Variants in STK32B observed in about 807,000 individuals in gnomAD.
STK32B encodes serine/threonine kinase 32B.
In STK32B, 43 loss-of-function variants were observed where a neutral mutation model predicts 52.6. That is an observed-to-expected ratio of 0.82 (90% confidence interval 0.64 to 1.05). The LOEUF (loss-of-function observed/expected upper bound fraction) is 1.05, where lower values mean the gene tolerates loss of function less well. Among genes scored for constraint, STK32B ranks in the 50% least tolerant of loss-of-function variants. The pLI is 0.00. For missense variants in STK32B, 621 were observed against 534.6 expected (o/e 1.16, Z -1.59); for synonymous variants, 238 against 204.3 (o/e 1.17, Z -1.41).
chr4:5,249,493 T>TCCTTCCTCCCTC (rs1725754500), intron 3 of STK32B, among the ~76,000 whole-genome samples: 2 of 121,930 alleles, frequency 1.6e-5, no homozygotes, highest in Admixed American at 8.1e-5. Context: ...CTTCCTTCCT[T>TCCTTCCTCCCTC]CCTTCCTTCC....
At chr4:5,221,270 T>G (rs957753745) in intron 3 of STK32B, among the ~76,000 whole-genome samples, 2 of 152,192 alleles carry the variant, frequency 1.3e-5, no homozygotes, top group African/African-American at 4.8e-5. Flanking sequence ...TGAACTATAT[T>G]CTTCACACCA....
chr4:5,050,645 G>A (rs1395845082), upstream of STK32B, among the ~76,000 whole-genome samples: 1 of 152,188 alleles, frequency 6.6e-6, no homozygotes, highest in African/African-American at 2.4e-5. Flanking sequence ...AAGATTCCCT[G>A]CAGTCCCGGA....
Position 5,499,067 on chromosome 4 carries a change from G to T in STK32B, c.1229G>T (p.Arg410Leu). 6.2e-7 allele frequency: 1 copy of T among 1,611,146 alleles called. No individual in the cohort carries two copies. The highest frequency in any genetic ancestry group is 8.5e-7 in the Non-Finnish European group (1 of 1,178,418). The stretch of plus-strand genomic sequence containing the variant: ...AACCTCCTCACCCACACCTGCACCC[G>T]TGGCTGCAGCAGCTGAGCCCACACT... ...NNNLLTHTCT[R>L]GCSS The change falls in exon 12 of 12, where the codon CGT (arginine) becomes CTT (leucine). Residue 410 changes from arginine (R) to leucine (L), a missense_variant. Coordinates refer to ENST00000282908, the MANE Select transcript of STK32B (RefSeq NM_018401.3).
chr4:5,193,095 G>T (rs1377695871), intron 3 of STK32B, among the ~76,000 whole-genome samples: 1 of 152,166 alleles, frequency 6.6e-6, no homozygotes, highest in Non-Finnish European at 1.5e-5. Flanking sequence ...AGGCCTGGCT[G>T]CCCATGCCTG....
chr4:5,051,908 T>G lies in STK32B; in HGVS notation c.45T>G (p.Asn15Lys). 6.3e-7 allele frequency: 1 copy of G among 1,597,532 alleles called. No individual in the cohort carries two copies. The highest frequency in any genetic ancestry group is 8.5e-7 in the Non-Finnish European group (1 of 1,172,404). Residue 15 changes from asparagine (N) to lysine (K), a missense_variant, in exon 1 of 12, where the codon AAT (asparagine) becomes AAG (lysine). Coordinates refer to ENST00000282908, the MANE Select transcript of STK32B (RefSeq NM_018401.3). Reference protein sequence around the residue: ...HSHKPPVFDENEEVNFDHFQI... With the variant: ...HSHKPPVFDEKEEVNFDHFQI... ...ACAAGCCCCCCGTGTTTGACGAGAA[T>G]GAGGAAGGTAAGAGAGCGAGAGGTG...
intron 6 of STK32B, among the ~76,000 whole-genome samples, chr4:5,431,519 T>TA (rs1713580095): frequency 6.6e-6 from 1 of 151,870 alleles, no homozygotes; most frequent in Non-Finnish European, 1.5e-5. Flanking sequence ...CCTTTTTTTT[T>TA]TTATTTACTA....
intron 1 of STK32B, among the ~76,000 whole-genome samples, chr4:5,095,417 C>G (rs1255556950): frequency 3.3e-5 from 5 of 152,188 alleles, no homozygotes; most frequent in Admixed American, 6.5e-5. Flanking sequence ...GAGTTCAAGA[C>G]CAGTCTGGCC....
At chr4:5,433,555 G>C (rs760585160) in intron 6 of STK32B, among the ~76,000 whole-genome samples, 3 of 152,080 alleles carry the variant, frequency 2.0e-5, no homozygotes, top group African/African-American at 4.8e-5. Context: ...TCCTCCATTC[G>C]GACTTGGCTT....
rs1277028634 is a variant in STK32B at position 5,395,593 on chromosome 4, G to A, written c.435-2614G>A. 2.6e-5 allele frequency among the ~76,000 whole-genome samples: 4 copies of A among 152,138 alleles called. No homozygotes were observed. The highest frequency in any genetic ancestry group is 9.7e-5 in the African/African-American group (4 of 41,416). On this transcript the variant is annotated intron_variant, in intron 4 of 11. Coordinates refer to ENST00000282908, the MANE Select transcript of STK32B (RefSeq NM_018401.3). This position sits in a 1 kb window ranked among gnomAD's most constrained non-coding sequence, Gnocchi z 4.4. ...GCCTTCTGGTGTGCCTCTCTTCCTAGAATGCAAGCTCCATTCAGTTGGGTC... is the reference window on the plus strand; with the variant it reads ...GCCTTCTGGTGTGCCTCTCTTCCTAAAATGCAAGCTCCATTCAGTTGGGTC...
intron 1 of STK32B, among the ~76,000 whole-genome samples, chr4:5,132,424 G>A (rs1014128908): frequency 6.6e-6 from 1 of 152,134 alleles, no homozygotes; most frequent in Admixed American, 6.5e-5. Context: ...ATACACCAAT[G>A]CCCTGTGACA....
intron 11 of STK32B, among the ~76,000 whole-genome samples, chr4:5,478,008 A>G (rs539735022): frequency 6.6e-6 from 1 of 152,212 alleles, no homozygotes; most frequent in Admixed American, 6.5e-5. Context: ...CTAGGGAGAA[A>G]TCAACTGGTA....
At chr4:5,496,880 A>G (rs973825864) in intron 11 of STK32B, among the ~76,000 whole-genome samples, 3 of 152,218 alleles carry the variant, frequency 2.0e-5, no homozygotes, top group African/African-American at 7.2e-5. Flanking sequence ...TTCTTCATAG[A>G]TATTATGTCA....
intron 3 of STK32B, among the ~76,000 whole-genome samples, chr4:5,207,726 G>A (rs1395776789): frequency 6.6e-6 from 1 of 151,526 alleles, no homozygotes; most frequent in East Asian, 2.0e-4. Context: ...TTAAGAAAGT[G>A]TCTGAGACTG....
intron 3 of STK32B, among the ~76,000 whole-genome samples, chr4:5,231,646 CAAAGA>C (rs1434802598): frequency 6.6e-6 from 1 of 151,794 alleles, no homozygotes; most frequent in Non-Finnish European, 1.5e-5. Context: ...AAACAAAAAA[CAAAGA>C]AAAGAAAAAG....
intron 3 of STK32B, among the ~76,000 whole-genome samples, chr4:5,234,836 G>T (rs1029233544): frequency 6.6e-5 from 10 of 152,220 alleles, no homozygotes; most frequent in Non-Finnish European, 1.2e-4. Flanking sequence ...TCTCCCAGTT[G>T]GGATACATTT....
chr4:5,165,295 T>C (rs761564132), intron 2 of STK32B, among the ~76,000 whole-genome samples: 26 of 152,168 alleles, frequency 1.7e-4, no homozygotes, highest in Non-Finnish European at 2.6e-4. Flanking sequence ...CTTTTGCTTG[T>C]ATTGAAAAGT....
intron 3 of STK32B, among the ~76,000 whole-genome samples, chr4:5,184,613 G>A (rs961086861): frequency 2.7e-5 from 4 of 149,880 alleles, no homozygotes; most frequent in Admixed American, 1.3e-4. Context: ...GCTTGAACCC[G>A]GGAGGCAGAG....
At position 5,378,440 on chromosome 4, in the gene STK32B, C is replaced by T. The variant is rs16837053; in HGVS notation, c.435-19767C>T. On this transcript the variant is annotated intron_variant, in intron 4 of 11. Coordinates refer to ENST00000282908, the MANE Select transcript of STK32B (RefSeq NM_018401.3). The surrounding 1 kb of genome is among the most constrained non-coding windows in gnomAD (Gnocchi z 4.4). ...TTTATTTTATTTTTTTCCTTTATGA[C>T]GTGAGTTAAATCATTTACAATTATC... Among the ~76,000 whole-genome samples the T allele has an allele frequency of 0.066, 9,987 of 152,166 alleles. 999 individuals carry two copies. Among genetic ancestry groups the T allele is most frequent in the African/African-American group, 0.22 (9,024 of 41,458 alleles).
chr4:5,482,558 C>T (rs1718804188), intron 11 of STK32B, among the ~76,000 whole-genome samples: 1 of 152,166 alleles, frequency 6.6e-6, no homozygotes, highest in African/African-American at 2.4e-5. Context: ...TCCTCTTTTC[C>T]TAATTGAATA....
Sources: gnomAD v4.1 joint callset for allele counts (sites outside exome capture counted in the v4.1 genomes callset) on GRCh38, gnomAD v4.1.1 for gene constraint, Gnocchi (gnomAD v3.1) non-coding constraint, MANE v1.5 for transcripts, NCBI Gene and HGNC (gene_info 2026-07-23, HGNC 2026-07-21) for gene names.